Variants in HAVCR1 observed in about 807,000 individuals in gnomAD.
HAVCR1 encodes the protein T cell immunoglobin domain and mucin domain protein 1.
Under a neutral mutation model 32.0 loss-of-function variants are expected in HAVCR1, and 34 were observed. The observed-to-expected ratio is 1.06, with a 90% CI of 0.81 to 1.42. HAVCR1 has a LOEUF of 1.42. Among genes scored for constraint, HAVCR1 ranks in the 40% most tolerant of loss-of-function variants. The probability of loss-of-function intolerance (pLI) is 0.00; values close to 1 mark genes in which losing one functional copy is unlikely to be tolerated. For synonymous variants in HAVCR1, 178 were observed against 170.3 expected (o/e 1.05, Z -0.35); for missense variants, 420 against 442.3 (o/e 0.95, Z 0.45).
At chr5:157,060,758 T>G (rs1024165534), upstream of HAVCR1, among the ~76,000 whole-genome samples, 1 of 152,188 alleles carries the variant, frequency 6.6e-6, no homozygotes, top group African/African-American at 2.4e-5. Flanking sequence ...GATTTGAATT[T>G]GAATTCCATA....
intron 5 of HAVCR1, among the ~76,000 whole-genome samples, chr5:157,044,672 AGAAAGGAG>A (rs1318279916): frequency 3.5e-5 from 3 of 86,020 alleles, no homozygotes; most frequent in Non-Finnish European, 8.3e-5. Context: ...AAAGAAAGAA[AGAAAGGAG>A]GGAGGGAGGA....
intron 7 of HAVCR1, among the ~76,000 whole-genome samples, chr5:157,035,457 A>G (rs1486703958): frequency 6.6e-6 from 1 of 152,114 alleles, no homozygotes; most frequent in Non-Finnish European, 1.5e-5. Context: ...AAACACACAC[A>G]CACACAGTTA....
In HAVCR1 at chr5:157,055,389, G is replaced by A; in HGVS notation, c.191C>T (p.Thr64Ile). Residue 64 changes from threonine (T) to isoleucine (I), a missense_variant, in exon 3 of 9, where the codon ACC becomes ATC. Physicochemically the swap from Thr to Ile is moderately conservative, Grantham distance 89 (BLOSUM62 -1). Transcript: ENST00000523175. Reference protein sequence around the residue: ...LFTCQNGIVWTNGTHVTYRKD... With the variant: ...LFTCQNGIVWINGTHVTYRKD... ...CCGATAGGTGACGTGGGTTCCATTG[G>A]TCCAGACAATGCCATTTTGGCATGT... 3 of 1,613,498 alleles carry A rather than the reference G, an allele frequency of 1.9e-6. No homozygotes were observed. The highest frequency in any genetic ancestry group is 2.5e-6 in the Non-Finnish European group (3 of 1,179,458).
rs186293337 is a variant in HAVCR1 at position 157,057,897 on chromosome 5, C to T, written c.46+1G>A. 8 of 1,612,328 alleles carry T rather than the reference C, an allele frequency of 5.0e-6. No homozygotes were observed. The African/African-American group carries it at 9.3e-5, about 19-fold the overall frequency. On this transcript the variant is annotated splice_donor_variant, in intron 2 of 8. Coordinates refer to ENST00000523175, the MANE Select transcript of HAVCR1 (RefSeq NM_001173393.3). LOFTEE classifies it high-confidence loss of function. ...CCCGCCCAGGGCACCTACTCACTTA[C>T]CTGCCAGATGTAGGATGAGGCTTAA...
rs6420075 is a variant in HAVCR1, at chr5:157,059,109, G to C, written c.-201C>G. 127,389 of 152,210 alleles carry C rather than the reference G, an allele frequency of 0.84. 53,525 individuals are homozygous for C. Among genetic ancestry groups the C allele is most frequent in the East Asian group, 0.98 (5,097 of 5,182 alleles). The allele number at this position is 152,210 out of a possible 1,614,324, so 9.4% of individuals were successfully genotyped here. A position where few individuals can be genotyped will look rare whatever the true frequency, so the allele number is the denominator to read the frequency against. ...GAAAACTAAACCTACATCATATGCA[G>C]TAATAGCACTAGCTGAGGTTTTTGG... On this transcript the variant is annotated 5_prime_UTR_variant, in exon 1 of 9. Transcript: ENST00000523175.
intron 3 of HAVCR1, among the ~76,000 whole-genome samples, chr5:157,053,690 T>G (rs1755914462): frequency 6.6e-6 from 1 of 150,852 alleles, no homozygotes; most frequent in Admixed American, 6.6e-5. Context: ...GCCAACATGA[T>G]GAAACCCCAT....
In HAVCR1 at chr5:157,048,670, A is replaced by G. The variant is rs13158874; in HGVS notation, c.781+368T>C. 6.9e-3 allele frequency among the ~76,000 whole-genome samples: 1,046 copies of G among 152,298 alleles called. 4 individuals carry two copies. Among genetic ancestry groups the G allele is most frequent in the Non-Finnish European group, 0.011 (745 of 68,010 alleles). ...ACGGTGAAACCCCGACTCTACTAAA[A>G]ATACAAAAAATTAGCCGGGCGTGGT... On this transcript the variant is annotated intron_variant, in intron 5 of 8. Coordinates refer to ENST00000523175, the MANE Select transcript of HAVCR1 (RefSeq NM_001173393.3).
chr5:157,045,436 G>A (rs1360684111), intron 5 of HAVCR1, among the ~76,000 whole-genome samples: 2 of 151,998 alleles, frequency 1.3e-5, no homozygotes, highest in Non-Finnish European at 2.9e-5. Context: ...GAAGAGGAGT[G>A]GGGAGGAGGG....
upstream of HAVCR1, among the ~76,000 whole-genome samples, chr5:157,062,860 C>T (rs1407490368): frequency 6.6e-6 from 1 of 151,926 alleles, no homozygotes; most frequent in Non-Finnish European, 1.5e-5. Context: ...TGGCTCACAC[C>T]TGTAATCCCA....
At chr5:157,034,290 T>G (rs1754394095) in intron 7 of HAVCR1, among the ~76,000 whole-genome samples, 1 of 151,732 alleles carries the variant, frequency 6.6e-6, no homozygotes, top group Admixed American at 6.6e-5. Context: ...GTGTCATAAA[T>G]AAGTTTAAGG....
At chr5:157,034,121 G>A (rs767955018) in intron 7 of HAVCR1, among the ~76,000 whole-genome samples, 20 of 152,188 alleles carry the variant, frequency 1.3e-4, no homozygotes, top group Non-Finnish European at 2.2e-4. Flanking sequence ...CCAAGGGACC[G>A]GCGCTCAGCA....
chr5:157,045,479 T>C (rs1245016636), intron 5 of HAVCR1, among the ~76,000 whole-genome samples: 2 of 152,082 alleles, frequency 1.3e-5, no homozygotes, highest in African/African-American at 4.8e-5. Context: ...ACTTTCCAAA[T>C]ATCATATACT....
chr5:157,068,637 T>C, the HAVCR1 span, among the ~76,000 whole-genome samples: 1 of 144,514 alleles, frequency 6.9e-6, no homozygotes, highest in Non-Finnish European at 1.5e-5. Context: ...ATTATCTTTA[T>C]ATGGGCTTTT....
chr5:157,064,534 C>A, the HAVCR1 span, among the ~76,000 whole-genome samples: 2 of 151,904 alleles, frequency 1.3e-5, no homozygotes, highest in Admixed American at 1.3e-4. Flanking sequence ...TCGGCCTGAG[C>A]CACGGGAAGA....
At chr5:157,058,695 G>A (rs1165460853) in intron 1 of HAVCR1, among the ~76,000 whole-genome samples, 4 of 152,228 alleles carry the variant, frequency 2.6e-5, no homozygotes, top group Non-Finnish European at 4.4e-5. Flanking sequence ...GAGTAAACTG[G>A]GCCTCTGGTG....
At chr5:157,041,174 A>C (rs1754867943) in intron 6 of HAVCR1, among the ~76,000 whole-genome samples, 1 of 152,188 alleles carries the variant, frequency 6.6e-6, no homozygotes, top group Non-Finnish European at 1.5e-5. Flanking sequence ...TACAGAATCA[A>C]AGTTATTATC....
intron 2 of HAVCR1, among the ~76,000 whole-genome samples, chr5:157,056,193 G>A (rs1021644788): frequency 6.6e-6 from 1 of 151,786 alleles, no homozygotes; most frequent in African/African-American, 2.4e-5. Flanking sequence ...GCATCCCAAA[G>A]TGCTGGGATT....
chr5:157,048,898 T>C, intron 5 of HAVCR1, 140 bp downstream of exon 5: 1 of 620,752 alleles, frequency 1.6e-6, no homozygotes, highest in South Asian at 2.0e-5. Flanking sequence ...GGGTAGATAT[T>C]TGTACAAGTC....
intron 2 of HAVCR1, 46 bp from the exon 3 acceptor site, chr5:157,055,579 A>C: frequency 3.2e-6 from 4 of 1,238,326 alleles, no homozygotes; most frequent in Admixed American, 2.2e-5. Flanking sequence ...TCACTATTTC[A>C]TCTTGGCTGG....
Sources: gnomAD v4.1 joint callset for allele counts (sites outside exome capture counted in the v4.1 genomes callset) on GRCh38, gnomAD v4.1.1 for gene constraint, MANE v1.5 for transcripts, NCBI Gene and HGNC (gene_info 2026-07-23, HGNC 2026-07-21) for gene names.